Variants in PPIP5K1 observed in about 807,000 individuals in gnomAD.
The protein encoded by PPIP5K1 is diphosphoinositol pentakisphosphate kinase 1, also known as inositol hexakisphosphate and diphosphoinositol-pentakisphosphate kinase 1.
In PPIP5K1, 6 loss-of-function variants were observed where a neutral mutation model predicts 27.7. The ratio of observed to expected loss-of-function variants is 0.22; its 90% CI spans 0.12 to 0.43. PPIP5K1 has a LOEUF of 0.43. Ranked by LOEUF, PPIP5K1 falls within the 20% of genes least tolerant of loss-of-function variation. The pLI, the probability that PPIP5K1 is intolerant of heterozygous loss-of-function variation, is 1.00. For synonymous variants in PPIP5K1, 145 were observed against 242.6 expected, an observed-to-expected ratio of 0.60 and a Z score of 3.74; for missense variants, 394 against 635.4, an observed-to-expected ratio of 0.62 and a Z score of 4.08.
chr15:43,539,248 A>G (rs993365056), intron 31 of PPIP5K1, among the ~76,000 whole-genome samples: 4 of 152,176 alleles, frequency 2.6e-5, no homozygotes, highest in Admixed American at 6.5e-5. Context: ...CTTCTCTCCA[A>G]TGAAATAGAA....
At chr15:43,539,421 C>T (rs1187944419) in intron 31 of PPIP5K1, 49 bp downstream of exon 31, 3 of 1,336,768 alleles carry the variant, frequency 2.2e-6, no homozygotes, top group East Asian at 2.4e-5. Flanking sequence ...TCACCAATCA[C>T]TCCAGTCTTC....
At chr15:43,552,288 A>G (rs983951382) in intron 30 of PPIP5K1, among the ~76,000 whole-genome samples, 2 of 152,156 alleles carry the variant, frequency 1.3e-5, no homozygotes, top group Non-Finnish European at 2.9e-5. Context: ...TTATAGCTAT[A>G]AAGTTCTCTC....
chr15:43,537,004 T>C (rs1353954311), intron 31 of PPIP5K1, among the ~76,000 whole-genome samples: 1 of 152,070 alleles, frequency 6.6e-6, no homozygotes. Context: ...CAATCCATCA[T>C]TGAGTTGAAG....
chr15:43,544,158 A>G (rs1343783975), intron 30 of PPIP5K1, among the ~76,000 whole-genome samples: 2 of 152,102 alleles, frequency 1.3e-5, no homozygotes, highest in African/African-American at 4.8e-5. Flanking sequence ...CCCATTCCCT[A>G]TTGTTAAATC....
chr15:43,536,020 C>A, intron 31 of PPIP5K1: 1 of 1,109,956 alleles, frequency 9.0e-7, no homozygotes, highest in Middle Eastern at 3.8e-4. Context: ...TTCTTTAAAG[C>A]AATCAATGTA....
At chr15:43,538,922 T>C (rs2080282877) in intron 31 of PPIP5K1, among the ~76,000 whole-genome samples, 1 of 152,144 alleles carries the variant, frequency 6.6e-6, no homozygotes, top group Non-Finnish European at 1.5e-5. Context: ...CATTCTTTCT[T>C]CCCCAAAGAG....
chr15:43,554,620 TACACACACACACAGACAC>T (rs1162418674), intron 30 of PPIP5K1, among the ~76,000 whole-genome samples: 1 of 130,010 alleles, frequency 7.7e-6, no homozygotes, highest in East Asian at 2.1e-4. Flanking sequence ...ACACCTGGCA[TACACACACACACAGACAC>T]ACACACACAC....
chr15:43,536,355 G>A, intron 31 of PPIP5K1: 1 of 225,942 alleles, frequency 4.4e-6, no homozygotes, highest in South Asian at 4.6e-5. Context: ...AGAGGTGGAG[G>A]TTGCAGTGAG....
At chr15:43,536,132 T>G in intron 31 of PPIP5K1, 1 of 1,285,338 alleles carries the variant, frequency 7.8e-7, no homozygotes, top group South Asian at 1.2e-5. Context: ...GAAAATGGTT[T>G]ACCTGGCTGG....
chr15:43,581,661 C>T, intron 8 of PPIP5K1, 192 bp downstream of exon 8: 1 of 236,984 alleles, frequency 4.2e-6, no homozygotes, highest in Non-Finnish European at 7.4e-6. Flanking sequence ...GTCAGCCTTG[C>T]CCTTGCTCTG....
intron 30 of PPIP5K1, among the ~76,000 whole-genome samples, chr15:43,553,941 GGCCAC>G (rs2082588795): frequency 2.0e-5 from 3 of 152,086 alleles, no homozygotes; most frequent in Non-Finnish European, 4.4e-5. Flanking sequence ...CACCTCGCCT[GGCCAC>G]TTCCTTACTA....
At chr15:43,557,829 C>CTTT (rs749398933) in intron 30 of PPIP5K1, among the ~76,000 whole-genome samples, 3 of 125,798 alleles carry the variant, frequency 2.4e-5, no homozygotes, top group African/African-American at 2.9e-5. Flanking sequence ...CATGCATAGC[C>CTTT]TTTTTTTTTT....
chr15:43,558,662 T>C, intron 30 of PPIP5K1, 133 bp downstream of exon 30: 1 of 1,258,522 alleles, frequency 7.9e-7, no homozygotes, highest in Non-Finnish European at 1.1e-6. Flanking sequence ...CAGCCAGCAA[T>C]TATACATTTT....
chr15:43,546,013 GA>G (rs567940261), intron 30 of PPIP5K1, among the ~76,000 whole-genome samples: 228 of 139,648 alleles, frequency 1.6e-3, no homozygotes, highest in Middle Eastern at 7.0e-3. Flanking sequence ...ACTTTATGGG[GA>G]AAAAAAAAAA....
intron 29 of PPIP5K1, among the ~76,000 whole-genome samples, chr15:43,559,422 A>G (rs949115931): frequency 2.0e-5 from 3 of 152,204 alleles, no homozygotes; most frequent in African/African-American, 7.2e-5. Flanking sequence ...GTTCATGCAA[A>G]TTTAGGATGT....
chr15:43,535,579 G>T, intron 31 of PPIP5K1, 103 bp from the exon 32 acceptor site: 3 of 955,730 alleles, frequency 3.1e-6, no homozygotes, highest in Non-Finnish European at 4.6e-6. Flanking sequence ...TGCTACTTAT[G>T]TCTTGAGGGA....
rs528920241 is a variant in PPIP5K1, at chr15:43,555,590, TTTTG to T, written c.3556+3201_3556+3204del. On this transcript the variant is annotated intron_variant, in intron 30 of 31. Transcript: ENST00000420765. ...TGTGAGCCACCATGCCTGGCTGAATTTTTGTTTGTTTGTTTTTATTATTACCATT... is the reference window on the plus strand; with the variant it reads ...TGTGAGCCACCATGCCTGGCTGAATTTTTGTTTGTTTTTATTATTACCATT... 8.7e-5 allele frequency among the ~76,000 whole-genome samples: 11 copies of T among 127,152 alleles called. No individual in the cohort carries two copies. The South Asian group carries it at 2.7e-3, about 32-fold the overall frequency. The allele number at this position is 127,152 out of a possible 152,430, so 83.4% of individuals were successfully genotyped here. A position where few individuals can be genotyped will look rare whatever the true frequency, so the allele number is the denominator to read the frequency against.
chr15:43,580,595 T>A (rs1272058100), intron 10 of PPIP5K1, among the ~76,000 whole-genome samples: 23 of 126,318 alleles, frequency 1.8e-4, no homozygotes, highest in Admixed American at 1.5e-3. Flanking sequence ...ATTAATTAAT[T>A]AATTTATTTA....
intron 30 of PPIP5K1, among the ~76,000 whole-genome samples, chr15:43,549,056 A>AATATATATATATATATATATATATAT (rs762219321): frequency 1.8e-5 from 1 of 54,272 alleles, no homozygotes; most frequent in African/African-American, 1.4e-4. Flanking sequence ...AAAAAAAAAA[A>AATATATATATATATATATATATATAT]ATATATATAT....
Sources: gnomAD v4.1 joint callset for allele counts (sites outside exome capture counted in the v4.1 genomes callset) on GRCh38, gnomAD v4.1.1 for gene constraint, MANE v1.5 for transcripts, NCBI Gene and HGNC (gene_info 2026-07-23, HGNC 2026-07-21) for gene names.